ZNF699: variants seen among roughly 807,000 people sequenced by gnomAD.
The protein encoded by ZNF699 is hangover homolog.
A neutral mutation model predicts 22.5 loss-of-function variants in ZNF699; 18 were observed. That is an observed-to-expected ratio of 0.80 (90% CI 0.55 to 1.19). The LOEUF is 1.19. Among genes scored for constraint, ZNF699 ranks in the 50% most tolerant of loss-of-function variants. ZNF699 has a pLI of 0.00. For synonymous variants in ZNF699, 241 were observed against 262.3 expected (o/e 0.92, Z 0.78); for missense variants, 670 against 763.4 (o/e 0.88, Z 1.44).
chr19:9,304,698 GAC>G (rs898831393), intron 2 of ZNF699, among the ~76,000 whole-genome samples: 4 of 152,190 alleles, frequency 2.6e-5, no homozygotes, highest in African/African-American at 9.7e-5. Flanking sequence ...GGCCAAGGCG[GAC>G]AGATCACGAG....
chr19:9,295,212 A>G lies in ZNF699; in HGVS notation c.*263T>C. ...ATGTTCCTATCAGAAAACACTGGTA[A>G]TCAACGAGCCAGCATTCTACTTTAA... is the stretch of plus-strand genomic sequence containing the variant. On this transcript the variant is annotated 3_prime_UTR_variant, in exon 6 of 6. Transcript: ENST00000591998. 2.3e-6 allele frequency: 1 copy of G among 434,850 alleles called. No homozygotes were observed. Among genetic ancestry groups the G allele is most frequent in the East Asian group, 3.5e-5 (1 of 28,874 alleles). The allele number at this position is 434,850 out of a possible 1,614,324, so 26.9% of individuals were successfully genotyped here. A position where few individuals can be genotyped will look rare whatever the true frequency, so the allele number is the denominator to read the frequency against.
At chr19:9,306,983 A>G (rs1477398857) in intron 1 of ZNF699, among the ~76,000 whole-genome samples, 1 of 152,198 alleles carries the variant, frequency 6.6e-6, no homozygotes, top group Admixed American at 6.5e-5. Context: ...GGGGAATCAC[A>G]TGAGGTCAGG....
intron 1 of ZNF699, among the ~76,000 whole-genome samples, chr19:9,308,462 TA>T (rs1224108079): frequency 1.3e-5 from 2 of 152,158 alleles, no homozygotes; most frequent in Admixed American, 6.5e-5. Flanking sequence ...AGCAGTGATC[TA>T]AAACCTGATT....
chr19:9,304,434 A>G lies in ZNF699; in HGVS notation c.48+638T>C, dbSNP rs187747696. On this transcript the variant is annotated intron_variant, in intron 2 of 5. Coordinates refer to ENST00000591998, the MANE Select transcript of ZNF699 (RefSeq NM_198535.3). ...GAGAGGCCCAGGAGACTGCATAAGC[A>G]CAATTTTGAAGCCAGGCCCACAGCT... Among the ~76,000 whole-genome samples the G allele has an allele frequency of 4.6e-5, 7 of 152,000 alleles. No individual in the cohort carries two copies. In the East Asian group the frequency reaches 7.8e-4, roughly 17 times the overall value.
chr19:9,299,115 G>C (rs763491467), intron 3 of ZNF699, among the ~76,000 whole-genome samples: 9 of 152,298 alleles, frequency 5.9e-5, no homozygotes, highest in Non-Finnish European at 1.2e-4. Flanking sequence ...ATGACCTTCT[G>C]TTTGGCAATG....
rs1220562562 is a variant in ZNF699 at position 9,304,432 on chromosome 19, G to C, written c.48+640C>G. Among the ~76,000 whole-genome samples, 4 of 151,532 alleles carry C rather than the reference G, an allele frequency of 2.6e-5. No individual in the cohort carries two copies. The East Asian group carries it at 7.8e-4, about 29-fold the overall frequency. Reference sequence around the variant, plus strand: ...CTGAGAGGCCCAGGAGACTGCATAAGCACAATTTTGAAGCCAGGCCCACAG... The same window carrying C: ...CTGAGAGGCCCAGGAGACTGCATAACCACAATTTTGAAGCCAGGCCCACAG... On this transcript the variant is annotated intron_variant, in intron 2 of 5. Coordinates refer to ENST00000591998, the MANE Select transcript of ZNF699 (RefSeq NM_198535.3).
In ZNF699 at chr19:9,299,730, C is replaced by T. The variant is rs140905573; in HGVS notation, c.176-1740G>A. Among the ~76,000 whole-genome samples, 1,067 of 152,154 alleles carry T rather than the reference C, an allele frequency of 7.0e-3. 9 individuals carry two copies. The highest frequency in any genetic ancestry group is 0.024 in the African/African-American group (1,005 of 41,502). ...GTCAACAGAATGGAAAGATAAGCCACAGCCTGGGAGAAAATATTTGCAAAA... is the reference window on the plus strand; with the variant it reads ...GTCAACAGAATGGAAAGATAAGCCATAGCCTGGGAGAAAATATTTGCAAAA... On this transcript the variant is annotated intron_variant, in intron 3 of 5. Coordinates refer to ENST00000591998, the MANE Select transcript of ZNF699 (RefSeq NM_198535.3).
At position 9,309,611 on chromosome 19, in the gene ZNF699, A is replaced by C. The variant is rs1003078977; in HGVS notation, c.-267T>G. 6.6e-6 allele frequency: 1 copy of C among 152,384 alleles called. No individual in the cohort carries two copies. Among genetic ancestry groups the C allele is most frequent in the African/African-American group, 2.4e-5 (1 of 41,458 alleles). 9.4% of individuals were successfully genotyped at this position (152,384 alleles called of 1,614,324 possible). Reference sequence around the variant, plus strand: ...GGCAGCTGACCCGGGCTCTCTGAGGAGGCGCCGCGGCGGCGGGAGGCCCCG... The same window carrying C: ...GGCAGCTGACCCGGGCTCTCTGAGGCGGCGCCGCGGCGGCGGGAGGCCCCG... On this transcript the variant is annotated 5_prime_UTR_variant, in exon 1 of 6. Transcript: ENST00000591998.
intron 2 of ZNF699, among the ~76,000 whole-genome samples, chr19:9,304,635 A>G (rs2066320123): frequency 6.6e-6 from 1 of 152,182 alleles, no homozygotes; most frequent in African/African-American, 2.4e-5. Context: ...CAATAGAAAC[A>G]CTACGGCCGG....
At chr19:9,304,252 C>T (rs1207061811) in intron 2 of ZNF699, among the ~76,000 whole-genome samples, 1 of 152,168 alleles carries the variant, frequency 6.6e-6, no homozygotes, top group Non-Finnish European at 1.5e-5. Flanking sequence ...TTGACATCAT[C>T]GATTCCTTAT....
Position 9,298,134 on chromosome 19 carries a change from TA to T in ZNF699, c.176-145del, listed in dbSNP as rs1193943007. The T allele has an allele frequency of 1.1e-4, 60 of 545,948 alleles. No individual in the cohort carries two copies. In the East Asian group the frequency reaches 1.3e-3, roughly 12 times the overall value. The allele number at this position is 545,948 out of a possible 1,614,324, so 33.8% of individuals were successfully genotyped here. A position where few individuals can be genotyped will look rare whatever the true frequency, so the allele number is the denominator to read the frequency against. ...ACTGCAACAAAATGTCAAATTTATT[TA>T]TTTTTTTTTTTAAAAAAAGGAGAGG... On this transcript the variant is annotated intron_variant, in intron 3 of 5. Transcript: ENST00000591998.
In ZNF699 at chr19:9,296,708, G is replaced by A. The variant is rs1180991439; in HGVS notation, c.696C>T (p.Phe232=). 2 of 1,611,158 alleles carry A rather than the reference G, an allele frequency of 1.2e-6. No homozygotes were observed. Among genetic ancestry groups the A allele is most frequent in the South Asian group, 2.2e-5 (2 of 90,462 alleles). Reference sequence around the variant, plus strand: ...GCTTCTTGAAACAAGCAAGAAAATGGAAGGCCTTCCCACATTCCTTGCACT... The same window carrying A: ...GCTTCTTGAAACAAGCAAGAAAATGAAAGGCCTTCCCACATTCCTTGCACT... ...PYQCKECGKA[F]HFLACFKKHM... The change falls in exon 6 of 6, where the codon TTC becomes TTT. Residue 232 remains phenylalanine (F), a synonymous_variant. Transcript: ENST00000591998.
chr19:9,304,486 A>T (rs77467471), intron 2 of ZNF699, among the ~76,000 whole-genome samples: 1 of 152,194 alleles, frequency 6.6e-6, no homozygotes, highest in Admixed American at 6.5e-5. Context: ...ATTCTAGGCC[A>T]GTGGTCAGCA....
Position 9,297,549 on chromosome 19 carries a change from G to C in ZNF699, c.287-70C>G. The C allele has an allele frequency of 8.0e-7, 1 of 1,242,292 alleles. No homozygotes were observed. The allele number at this position is 1,242,292 out of a possible 1,614,324, so 77.0% of individuals were successfully genotyped here. A position where few individuals can be genotyped will look rare whatever the true frequency, so the allele number is the denominator to read the frequency against. ...AGCAGAGTGACTATTTCAGGACTTTGGTATTAATAGGCACAAGGGTCAAAA... is the reference window on the plus strand; with the variant it reads ...AGCAGAGTGACTATTTCAGGACTTTCGTATTAATAGGCACAAGGGTCAAAA... On this transcript the variant is annotated intron_variant, in intron 4 of 5. Transcript: ENST00000591998. The surrounding 1 kb of genome is among the most constrained non-coding windows in gnomAD (Gnocchi z 4.3).
intron 1 of ZNF699, 143 bp from the exon 2 acceptor site, chr19:9,305,267 ACACACACACACACACACACATG>A (rs1359708004): frequency 1.4e-5 from 5 of 365,664 alleles, no homozygotes; most frequent in Non-Finnish European, 2.5e-5. Context: ...CAAAACACAT[ACACACACACACACACACACATG>A]CACACACCCA....
At chr19:9,303,550 C>T (rs892732514) in intron 2 of ZNF699, among the ~76,000 whole-genome samples, 22 of 152,260 alleles carry the variant, frequency 1.4e-4, no homozygotes, top group African/African-American at 4.6e-4. Context: ...TGCCACCCTC[C>T]GGGAACCACC....
chr19:9,301,724 T>G (rs2066307881), intron 3 of ZNF699, among the ~76,000 whole-genome samples: 1 of 152,156 alleles, frequency 6.6e-6, no homozygotes. Context: ...TCTGGTAGTC[T>G]TTGGGTAAAG....
At chr19:9,298,137 T>TG in intron 3 of ZNF699, 147 bp from the exon 4 acceptor site, 1 of 400,226 alleles carries the variant, frequency 2.5e-6, no homozygotes, top group South Asian at 3.6e-5. Context: ...ATTTATTTAT[T>TG]TTTTTTTTTA....
Position 9,296,302 on chromosome 19 carries a change from ACT to A in ZNF699, c.1100_1101del (p.Glu367ValfsTer25). ...GAGGACTCGCTGAAGGCCTTCCCAC[ACT>A]CTTTACATTCATAAGGCTTCTCTCC... ...HTGEKPYECK[E>X]CGKAFSESSK... On this transcript the variant is annotated frameshift_variant, in exon 6 of 6. Transcript: ENST00000591998. LOFTEE classifies it low-confidence loss of function (END_TRUNC). The A allele has an allele frequency of 6.2e-7, 1 of 1,613,592 alleles. No individual in the cohort carries two copies. Among genetic ancestry groups the A allele is most frequent in the Non-Finnish European group, 8.5e-7 (1 of 1,179,906 alleles).
Sources: gnomAD v4.1 joint callset for allele counts (sites outside exome capture counted in the v4.1 genomes callset) on GRCh38, gnomAD v4.1.1 for gene constraint, Gnocchi (gnomAD v3.1) non-coding constraint, MANE v1.5 for transcripts, NCBI Gene and HGNC (gene_info 2026-07-23, HGNC 2026-07-21) for gene names.